Variants in TRAPPC9 observed in about 807,000 individuals in gnomAD.
The protein encoded by TRAPPC9 is IKK2 binding protein.
A neutral mutation model predicts 124.0 loss-of-function variants in TRAPPC9; 83 were observed. The ratio of observed to expected loss-of-function variants is 0.67; its 90% confidence interval spans 0.56 to 0.80. The LOEUF (loss-of-function observed/expected upper bound fraction) is 0.80, where lower values mean the gene tolerates loss of function less well. TRAPPC9 is among the 30% of genes least tolerant of loss of function. TRAPPC9 has a pLI of 0.00. For missense variants in TRAPPC9, 1,302 were observed against 1,508.3 expected, an observed-to-expected ratio of 0.86 and a Z score of 2.27; for synonymous variants, 638 against 617.5, an observed-to-expected ratio of 1.03 and a Z score of -0.49.
chr8:140,114,205 A>T (rs1423201961), intron 17 of TRAPPC9, among the ~76,000 whole-genome samples: 1 of 152,152 alleles, frequency 6.6e-6, no homozygotes, highest in Non-Finnish European at 1.5e-5. Context: ...CCTCCAGGTC[A>T]GAAGGCTGTC....
At chr8:140,125,399 C>A (rs972463921) in intron 17 of TRAPPC9, among the ~76,000 whole-genome samples, 2 of 152,070 alleles carry the variant, frequency 1.3e-5, no homozygotes, top group African/African-American at 4.8e-5. Flanking sequence ...GCACGCAGAC[C>A]ACGGGGTCAA....
Position 139,728,237 on chromosome 8 carries a change from C to T in TRAPPC9, c.*2824G>A, listed in dbSNP as rs896060242. Among the ~76,000 whole-genome samples the T allele has an allele frequency of 1.3e-4, 20 of 152,254 alleles. No individual in the cohort carries two copies. The highest frequency in any genetic ancestry group is 2.6e-4 in the Admixed American group (4 of 15,286). ...TGCCTTCCTTGTGAATTTCAGATGACGGAGCATGACGGCTGCATGATTATG... is the reference window on the plus strand; with the variant it reads ...TGCCTTCCTTGTGAATTTCAGATGATGGAGCATGACGGCTGCATGATTATG... On this transcript the variant is annotated 3_prime_UTR_variant, in exon 23 of 23. Transcript: ENST00000438773.
In TRAPPC9 at chr8:139,820,742, G is replaced by C. The variant is rs182539460; in HGVS notation, c.3055+65137C>G. ...GAACAGATAATTCAGAAATAGATCC[G>C]CATTTACAAAAGAACTAAATATATT... is the stretch of plus-strand genomic sequence containing the variant. On this transcript the variant is annotated intron_variant, in intron 21 of 22. Transcript: ENST00000438773. Among the ~76,000 whole-genome samples the C allele has an allele frequency of 3.3e-5, 5 of 152,270 alleles. No homozygotes were observed. In the East Asian group the frequency reaches 9.6e-4, roughly 29 times the overall value.
At chr8:140,199,862 G>C (rs2062749283) in intron 17 of TRAPPC9, among the ~76,000 whole-genome samples, 1 of 151,960 alleles carries the variant, frequency 6.6e-6, no homozygotes, top group African/African-American at 2.4e-5. Context: ...TGGTAACTTT[G>C]GAAGACAATG....
intron 17 of TRAPPC9, among the ~76,000 whole-genome samples, chr8:140,124,843 GGA>G (rs1431502295): frequency 6.6e-6 from 1 of 152,210 alleles, no homozygotes; most frequent in Non-Finnish European, 1.5e-5. Context: ...GTGATCAATG[GGA>G]GAAAAGAGAC....
intron 17 of TRAPPC9, chr8:140,082,206 A>G (rs1176294164): frequency 6.6e-6 from 1 of 152,006 alleles, no homozygotes; most frequent in Non-Finnish European, 1.5e-5. Flanking sequence ...CCCAACAGCC[A>G]CATAAAAGCT....
chr8:140,023,842 G>A (rs934586559), intron 18 of TRAPPC9, 95 bp downstream of exon 18: 97 of 1,580,960 alleles, frequency 6.1e-5, no homozygotes, highest in Admixed American at 1.2e-4. Flanking sequence ...CGGATCTGAC[G>A]GGATGCATGA....
intron 19 of TRAPPC9, among the ~76,000 whole-genome samples, chr8:139,938,867 G>A (rs181663904): frequency 6.6e-6 from 1 of 151,204 alleles, no homozygotes; most frequent in South Asian, 2.1e-4. Flanking sequence ...GGATGGTCTC[G>A]ATCTCCTGAC....
chr8:139,823,122 C>A (rs867743989), intron 21 of TRAPPC9, among the ~76,000 whole-genome samples: 6 of 152,166 alleles, frequency 3.9e-5, no homozygotes, highest in African/African-American at 1.4e-4. Flanking sequence ...CCACATACAA[C>A]CACACTGGGG....
At chr8:140,111,605 C>T (rs2060777650) in intron 17 of TRAPPC9, among the ~76,000 whole-genome samples, 1 of 152,212 alleles carries the variant, frequency 6.6e-6, no homozygotes, top group Admixed American at 6.5e-5. Flanking sequence ...AAGATACAAA[C>T]CTGAGTGCAT....
intron 5 of TRAPPC9, among the ~76,000 whole-genome samples, chr8:140,412,471 G>C (rs1397333767): frequency 6.6e-6 from 1 of 152,194 alleles, no homozygotes; most frequent in African/African-American, 2.4e-5. Context: ...CTGGGGGGTA[G>C]ATAAAGGTAT....
chr8:140,431,452 A>T lies in TRAPPC9; in HGVS notation c.859+3660T>A, dbSNP rs539872701. ...CAGAGTGAGACTCTGTCTCAAAAAAAAAAATAAAAATAAAAACTACTGACC... is the reference window on the plus strand; with the variant it reads ...CAGAGTGAGACTCTGTCTCAAAAAATAAAATAAAAATAAAAACTACTGACC... On this transcript the variant is annotated intron_variant, in intron 4 of 22. Coordinates refer to ENST00000438773, the MANE Select transcript of TRAPPC9 (RefSeq NM_001160372.4). Among the ~76,000 whole-genome samples, 3 of 152,210 alleles carry T rather than the reference A, an allele frequency of 2.0e-5. No homozygotes were observed. In the East Asian group the frequency reaches 5.8e-4, roughly 29 times the overall value.
chr8:140,023,375 C>T (rs1285898352), intron 18 of TRAPPC9, among the ~76,000 whole-genome samples: 1 of 152,220 alleles, frequency 6.6e-6, no homozygotes, highest in Non-Finnish European at 1.5e-5. Flanking sequence ...TTCAAGTGTA[C>T]AAACTGTCCA....
chr8:140,411,637 C>T (rs776012503), intron 5 of TRAPPC9, among the ~76,000 whole-genome samples: 2 of 152,136 alleles, frequency 1.3e-5, no homozygotes, highest in Non-Finnish European at 2.9e-5. Flanking sequence ...CCACCGTGCC[C>T]GGCCTGAACC....
At chr8:139,951,081 T>C (rs115777444) in intron 19 of TRAPPC9, among the ~76,000 whole-genome samples, 24 of 152,290 alleles carry the variant, frequency 1.6e-4, no homozygotes, top group Admixed American at 6.5e-4. Flanking sequence ...GACACAGGCC[T>C]GGTTACGCCA....
chr8:140,211,961 A>C (rs2063072291), intron 17 of TRAPPC9, among the ~76,000 whole-genome samples: 1 of 152,266 alleles, frequency 6.6e-6, no homozygotes, highest in Admixed American at 6.5e-5. Context: ...AGACGAGGAC[A>C]CAGGAAGAAG....
chr8:140,033,268 C>T (rs1403958578), intron 17 of TRAPPC9, among the ~76,000 whole-genome samples: 2 of 152,130 alleles, frequency 1.3e-5, no homozygotes, highest in Non-Finnish European at 2.9e-5. Flanking sequence ...AAAAATAAAC[C>T]CACACTGACA....
chr8:140,265,922 A>G (rs2064636613), intron 15 of TRAPPC9, among the ~76,000 whole-genome samples: 1 of 152,224 alleles, frequency 6.6e-6, no homozygotes, highest in Non-Finnish European at 1.5e-5. Flanking sequence ...AACAATACGG[A>G]GCCATCATTT....
chr8:140,409,277 T>C (rs1419444878), intron 5 of TRAPPC9, among the ~76,000 whole-genome samples: 3 of 152,152 alleles, frequency 2.0e-5, no homozygotes, highest in Non-Finnish European at 4.4e-5. Flanking sequence ...ACGTATCTAG[T>C]TGGCAAAAAT....
Sources: gnomAD v4.1 joint callset for allele counts (sites outside exome capture counted in the v4.1 genomes callset) on GRCh38, gnomAD v4.1.1 for gene constraint, MANE v1.5 for transcripts, NCBI Gene and HGNC (gene_info 2026-07-23, HGNC 2026-07-21) for gene names.